The following UBR3 variants were observed in gnomAD, a reference collection of about 807,000 sequenced individuals.
The protein encoded by UBR3 is E3 ubiquitin-protein ligase UBR3.
A neutral mutation model predicts 243.2 loss-of-function variants in UBR3; 85 were observed. The observed-to-expected ratio is 0.35, with a 90% CI of 0.29 to 0.42. The LOEUF is 0.42. Ranked by LOEUF, UBR3 falls within the 10% of genes least tolerant of loss-of-function variation. The probability of loss-of-function intolerance (pLI) is 1.00; values close to 1 mark genes in which losing one functional copy is unlikely to be tolerated. For missense variants in UBR3, 1,686 were observed against 2,300.8 expected, an observed-to-expected ratio of 0.73 and a Z score of 5.47; for synonymous variants, 748 against 799.8, an observed-to-expected ratio of 0.94 and a Z score of 1.09.
chr2:169,852,321 GTTTTC>G (rs1350549483), intron 1 of UBR3, among the ~76,000 whole-genome samples: 1 of 152,166 alleles, frequency 6.6e-6, no homozygotes, highest in Non-Finnish European at 1.5e-5. Flanking sequence ...AGGCTTTTGT[GTTTTC>G]TTTTCTATGG....
In UBR3 at chr2:170,055,484, T is replaced by C; in HGVS notation, c.4685T>C (p.Val1562Ala). 1 of 1,613,648 alleles carries C rather than the reference T, an allele frequency of 6.2e-7. No homozygotes were observed. The highest frequency in any genetic ancestry group is 2.2e-5 in the East Asian group (1 of 44,864). The change falls in exon 33 of 39, where the codon GTA (valine) becomes GCA (alanine). Residue 1562 changes from valine to alanine, a missense_variant. Around this residue, in one of 8 missense-constraint regions of UBR3, gnomAD observed 371 missense variants for 422.5 expected, o/e 0.88. Transcript: ENST00000272793. The stretch of plus-strand genomic sequence containing the variant: ...GACCACTTTACCTGCATTGTGAAGG[T>C]ACTTTTTACCCTACTGTACACACAG... ...RKDHFTCIVK[V>A]LFTLLYTQAL...
intron 2 of UBR3, among the ~76,000 whole-genome samples, chr2:169,874,532 C>G (rs1357583638): frequency 1.3e-5 from 2 of 152,172 alleles, no homozygotes; most frequent in African/African-American, 2.4e-5. Context: ...AAAGGTCTTG[C>G]AATAACCAAT....
chr2:169,970,155 G>A lies in UBR3; in HGVS notation c.3634+11629G>A, dbSNP rs183716854. 2.5e-3 allele frequency among the ~76,000 whole-genome samples: 370 copies of A among 149,922 alleles called. 3 individuals are homozygous for A. The highest frequency in any genetic ancestry group is 3.6e-3 in the Non-Finnish European group (244 of 67,586). On this transcript the variant is annotated intron_variant, in intron 24 of 38. Transcript: ENST00000272793. ...ATGAGATGTCTGTCCATTTTTTGGTGATGACTTCAATTTCTTTCATCAGTG... is the reference window on the plus strand; with the variant it reads ...ATGAGATGTCTGTCCATTTTTTGGTAATGACTTCAATTTCTTTCATCAGTG...
chr2:169,945,939 G>A (rs902123667), intron 20 of UBR3, among the ~76,000 whole-genome samples: 8 of 152,096 alleles, frequency 5.3e-5, no homozygotes, highest in African/African-American at 1.7e-4. Flanking sequence ...GAACATTAAT[G>A]TACCATAAAC....
chr2:170,055,567 G>C lies in UBR3; in HGVS notation c.4768G>C (p.Ala1590Pro), dbSNP rs140078278. The change falls in exon 33 of 39, where the codon GCG becomes CCG. Residue 1590 changes from alanine (A) to proline (P), a missense_variant. By Grantham distance (27) the Ala-to-Pro change is conservative (BLOSUM62 -1). This residue lies in a region of UBR3 where 371 missense variants were observed against 422.5 expected (regional missense o/e 0.88). Transcript: ENST00000272793. ...AGAAGATAGGTCAGCCTGGAAACAC[G>C]CGGGAGCTCTCAAAAAGGTTAGGCT... ...SEEDRSAWKH[A>P]GALKKSTCDA... 3 of 1,613,176 alleles carry C rather than the reference G, an allele frequency of 1.9e-6. No individual in the cohort carries two copies. The highest frequency in any genetic ancestry group is 2.5e-6 in the Non-Finnish European group (3 of 1,179,456).
intron 35 of UBR3, among the ~76,000 whole-genome samples, chr2:170,065,442 G>A (rs13010472): frequency 0.44 from 66,667 of 151,748 alleles, 15,756 homozygotes; most frequent in Non-Finnish European, 0.54. Flanking sequence ...GCGCACCACC[G>A]CACCCGACTA....
rs1019673104 is a variant in UBR3 at position 170,082,363 on chromosome 2, T to C, written c.*520T>C. 1 of 152,698 alleles carries C rather than the reference T, an allele frequency of 6.5e-6. No homozygotes were observed. The highest frequency in any genetic ancestry group is 2.4e-5 in the African/African-American group (1 of 41,476). The allele number at this position is 152,698 out of a possible 1,614,324, so 9.5% of individuals were successfully genotyped here. On this transcript the variant is annotated 3_prime_UTR_variant, in exon 39 of 39. Transcript: ENST00000272793. Reference sequence around the variant, plus strand: ...TACTGTATAGTAAAAGTTGGTCTAATAGTAGAACTTTAAAATTTTTTCTTA... The same window carrying C: ...TACTGTATAGTAAAAGTTGGTCTAACAGTAGAACTTTAAAATTTTTTCTTA...
intron 32 of UBR3, among the ~76,000 whole-genome samples, chr2:170,042,503 A>G (rs987597397): frequency 2.6e-5 from 4 of 152,062 alleles, no homozygotes; most frequent in Admixed American, 6.6e-5. Context: ...AGCCTGGCCA[A>G]CATGGTGAAA....
chr2:169,967,999 C>T (rs2087905014), intron 24 of UBR3, among the ~76,000 whole-genome samples: 1 of 151,898 alleles, frequency 6.6e-6, no homozygotes, highest in South Asian at 2.1e-4. Context: ...TGCTTTTTCA[C>T]TTAATGTCAT....
chr2:169,910,206 C>G (rs2085198543), intron 10 of UBR3, among the ~76,000 whole-genome samples: 1 of 151,910 alleles, frequency 6.6e-6, no homozygotes, highest in South Asian at 2.1e-4. Flanking sequence ...TATTTATCAC[C>G]AAGGGATGGA....
intron 25 of UBR3, among the ~76,000 whole-genome samples, chr2:169,992,342 C>T (rs1192805776): frequency 1.3e-5 from 2 of 152,150 alleles, no homozygotes; most frequent in South Asian, 4.1e-4. Flanking sequence ...AGAATTAACA[C>T]CAATGCTTCT....
intron 24 of UBR3, among the ~76,000 whole-genome samples, chr2:169,984,507 G>C (rs761988979): frequency 6.6e-6 from 1 of 152,066 alleles, no homozygotes. Context: ...TTTACATACA[G>C]TATGTACTTT....
In UBR3 at chr2:169,906,796, G is replaced by A. The variant is rs544716026; in HGVS notation, c.1779+632G>A. Reference sequence around the variant, plus strand: ...TGCTTCTTTTTTACTTGCGTGACTTGGTCAGCTCATTTAAAAATATTTGAA... The same window carrying A: ...TGCTTCTTTTTTACTTGCGTGACTTAGTCAGCTCATTTAAAAATATTTGAA... On this transcript the variant is annotated intron_variant, in intron 10 of 38. Coordinates refer to ENST00000272793, the MANE Select transcript of UBR3 (RefSeq NM_172070.4). Among the ~76,000 whole-genome samples, 115 of 152,082 alleles carry A rather than the reference G, an allele frequency of 7.6e-4. 1 individual carries two copies. The Middle Eastern group carries it at 0.017, about 23-fold the overall frequency.
At chr2:169,983,711 A>T (rs1335448165) in intron 24 of UBR3, among the ~76,000 whole-genome samples, 1 of 152,188 alleles carries the variant, frequency 6.6e-6, no homozygotes, top group East Asian at 1.9e-4. Flanking sequence ...TCTTGCGGTC[A>T]TTTGGCTAAG....
chr2:169,954,228 C>CTTGTCTTGTCTTGTCTTG (rs1559129703), intron 23 of UBR3, among the ~76,000 whole-genome samples: 82 of 110,372 alleles, frequency 7.4e-4, no homozygotes, highest in African/African-American at 3.6e-3. Flanking sequence ...GTCTTGTCTT[C>CTTGTCTTGTCTTGTCTTG]TCTTCTTAAT....
chr2:169,891,769 T>C (rs1317624576), intron 6 of UBR3, among the ~76,000 whole-genome samples: 2 of 152,192 alleles, frequency 1.3e-5, no homozygotes, highest in African/African-American at 4.8e-5. Flanking sequence ...ATGAGTAATA[T>C]TTATTGAACC....
At chr2:170,068,482 A>C (rs980763225) in intron 35 of UBR3, among the ~76,000 whole-genome samples, 1 of 152,242 alleles carries the variant, frequency 6.6e-6, no homozygotes, top group African/African-American at 2.4e-5. Context: ...AAATTAAAAA[A>C]TGAACGAACG....
chr2:169,998,062 T>A (rs1040857603), intron 26 of UBR3, among the ~76,000 whole-genome samples: 1 of 152,226 alleles, frequency 6.6e-6, no homozygotes, highest in African/African-American at 2.4e-5. Flanking sequence ...TTTTTATCAT[T>A]TTTAATTAGA....
At chr2:170,079,499 A>G (rs1386228545) in intron 36 of UBR3, among the ~76,000 whole-genome samples, 3 of 152,236 alleles carry the variant, frequency 2.0e-5, no homozygotes, top group Non-Finnish European at 4.4e-5. Context: ...GTCAAATACA[A>G]TTAGATGTAT....
Sources: gnomAD v4.1 joint callset for allele counts (sites outside exome capture counted in the v4.1 genomes callset) on GRCh38, gnomAD v4.1.1 for gene constraint, gnomAD v4.1.1 regional missense constraint, MANE v1.5 for transcripts, NCBI Gene and HGNC (gene_info 2026-07-23, HGNC 2026-07-21) for gene names.